Variants in SMYD3 observed in about 807,000 individuals in gnomAD.
The protein encoded by SMYD3 is histone-lysine N-methyltransferase SMYD3.
SMYD3 carries 36 observed loss-of-function variants against 57.7 expected under a neutral mutation model. The ratio of observed to expected loss-of-function variants is 0.62; its 90% CI spans 0.48 to 0.82. The LOEUF (loss-of-function observed/expected upper bound fraction) is 0.82, where lower values mean the gene tolerates loss of function less well. Ranked by LOEUF, SMYD3 falls within the 40% of genes least tolerant of loss-of-function variation. SMYD3 has a pLI of 0.00. For synonymous variants in SMYD3, 211 were observed against 195.0 expected (o/e 1.08, Z -0.68); for missense variants, 515 against 538.8 (o/e 0.96, Z 0.44).
rs1483915869 is a variant in SMYD3 at position 246,449,738 on chromosome 1, T to G, written c.164+57316A>C. Among the ~76,000 whole-genome samples, 3 of 114,566 alleles carry G rather than the reference T, an allele frequency of 2.6e-5. No individual in the cohort carries two copies. The East Asian group carries it at 6.5e-4, about 25-fold the overall frequency. 75.2% of individuals were successfully genotyped at this position (114,566 alleles called of 152,430 possible). On this transcript the variant is annotated intron_variant, in intron 1 of 11. Transcript: ENST00000490107. ...AGAAAATAAACACAAAAGGACACCG[T>G]GCCTGACACAGAGAAGTGTCAATGA...
At chr1:246,108,347 T>C (rs146476892) in intron 5 of SMYD3, among the ~76,000 whole-genome samples, 19 of 152,262 alleles carry the variant, frequency 1.2e-4, no homozygotes, top group African/African-American at 4.6e-4. Context: ...GGGTCACAGG[T>C]TACGCTATGA....
At chr1:246,409,533 A>C (rs1447682649) in intron 1 of SMYD3, among the ~76,000 whole-genome samples, 1 of 152,092 alleles carries the variant, frequency 6.6e-6, no homozygotes, top group Non-Finnish European at 1.5e-5. Context: ...CCATTGGTCT[A>C]TCTCTCTGTT....
rs928982491 is a variant in SMYD3 at position 246,263,913 on chromosome 1, T to C, written c.531+63288A>G. On this transcript the variant is annotated intron_variant, in intron 5 of 11. Coordinates refer to ENST00000490107, the MANE Select transcript of SMYD3 (RefSeq NM_001167740.2). The stretch of plus-strand genomic sequence containing the variant: ...ATTTCTGCTTATTAGGTGTAATTAA[T>C]ATTTTATCCCCAAATTAAGCCAAAA... 3.9e-5 allele frequency among the ~76,000 whole-genome samples: 6 copies of C among 152,226 alleles called. No individual in the cohort carries two copies. In the East Asian group the frequency reaches 7.7e-4, roughly 20 times the overall value.
At chr1:245,803,497 C>G (rs781468223) in intron 10 of SMYD3, among the ~76,000 whole-genome samples, 6 of 152,100 alleles carry the variant, frequency 3.9e-5, no homozygotes, top group Non-Finnish European at 7.4e-5. Context: ...ACACACAAAG[C>G]CCCCCAGTGG....
intron 5 of SMYD3, among the ~76,000 whole-genome samples, chr1:246,054,701 G>C (rs1414622574): frequency 1.6e-4 from 25 of 152,058 alleles, no homozygotes. Flanking sequence ...TCACTAATCA[G>C]CTGGGGCTGG....
intron 1 of SMYD3, 67 bp downstream of exon 1, chr1:246,506,987 A>ACCCCCCCCCCCCCCCC: frequency 2.2e-5 from 14 of 634,710 alleles, no homozygotes; most frequent in East Asian, 1.4e-4. Flanking sequence ...CGGCCGCCCG[A>ACCCCCCCCCCCCCCCC]CGCCCCCCCC....
intron 1 of SMYD3, among the ~76,000 whole-genome samples, chr1:246,375,117 G>A (rs892759984): frequency 3.3e-5 from 5 of 151,840 alleles, no homozygotes; most frequent in African/African-American, 1.2e-4. Flanking sequence ...ATAAAATAAG[G>A]TGTCTTTAAA....
chr1:245,850,567 G>A (rs537717241), intron 10 of SMYD3, among the ~76,000 whole-genome samples: 75 of 152,198 alleles, frequency 4.9e-4, no homozygotes, highest in Non-Finnish European at 7.5e-4. Context: ...GTCAGGGTGT[G>A]TGCCTGTGGT....
intron 10 of SMYD3, among the ~76,000 whole-genome samples, chr1:245,764,791 G>T (rs1295372869): frequency 1.3e-5 from 2 of 151,952 alleles, no homozygotes; most frequent in Non-Finnish European, 2.9e-5. Context: ...ATCCATACTG[G>T]ACCCTTTCAC....
intron 8 of SMYD3, among the ~76,000 whole-genome samples, chr1:245,888,545 C>T (rs2148574306): frequency 6.6e-6 from 1 of 152,284 alleles, no homozygotes; most frequent in Admixed American, 6.5e-5. Context: ...CCGGATTGTC[C>T]AGCGTCACTC....
intron 10 of SMYD3, among the ~76,000 whole-genome samples, chr1:245,822,878 A>C (rs554598632): frequency 1.1e-4 from 17 of 152,314 alleles, no homozygotes; most frequent in Admixed American, 6.5e-4. Flanking sequence ...TCAAATCTCT[A>C]CTAGAACAGG....
chr1:245,822,547 T>C (rs1572438508), intron 10 of SMYD3, among the ~76,000 whole-genome samples: 1 of 140,210 alleles, frequency 7.1e-6, no homozygotes, highest in Non-Finnish European at 1.5e-5. Context: ...TAAAGTATAA[T>C]AATAAAAGAA....
intron 1 of SMYD3, among the ~76,000 whole-genome samples, chr1:246,421,656 TA>T (rs2067144628): frequency 3.3e-5 from 5 of 152,018 alleles, no homozygotes; most frequent in Non-Finnish European, 5.9e-5. Flanking sequence ...TTGAAAATAA[TA>T]CAAAGCAATT....
rs143476169 is a variant in SMYD3 at position 246,247,444 on chromosome 1, ACTCTCTCTCTCTCT to A, written c.531+79743_531+79756del. Reference sequence around the variant, plus strand: ...CTGTGGTTTAAGAAAGAGAAGGATAACTCTCTCTCTCTCTCTCTCTCTATATATATATATATATA... The same window carrying A: ...CTGTGGTTTAAGAAAGAGAAGGATAACTCTCTCTATATATATATATATATA... On this transcript the variant is annotated intron_variant, in intron 5 of 11. Coordinates refer to ENST00000490107, the MANE Select transcript of SMYD3 (RefSeq NM_001167740.2). Among the ~76,000 whole-genome samples, 78 of 142,862 alleles carry A rather than the reference ACTCTCTCTCTCTCT, an allele frequency of 5.5e-4. 4 individuals carry two copies. Among genetic ancestry groups the A allele is most frequent in the African/African-American group, 1.8e-3 (68 of 38,336 alleles). The allele number at this position is 142,862 out of a possible 152,430, so 93.7% of individuals were successfully genotyped here. A position where few individuals can be genotyped will look rare whatever the true frequency, so the allele number is the denominator to read the frequency against.
intron 5 of SMYD3, among the ~76,000 whole-genome samples, chr1:246,240,611 T>C: frequency 6.6e-6 from 1 of 152,202 alleles, no homozygotes; most frequent in Non-Finnish European, 1.5e-5. Context: ...AAAGTAGTTT[T>C]TTCCAATTCT....
At chr1:246,153,624 C>T (rs1486264300) in intron 5 of SMYD3, among the ~76,000 whole-genome samples, 2 of 151,992 alleles carry the variant, frequency 1.3e-5, no homozygotes, top group Non-Finnish European at 2.9e-5. Context: ...TGGCTAATTA[C>T]TTTTTTGTTT....
chr1:246,464,562 T>C (rs1033250143), intron 1 of SMYD3, among the ~76,000 whole-genome samples: 7 of 152,082 alleles, frequency 4.6e-5, no homozygotes, highest in Admixed American at 1.3e-4. Context: ...ATAGCATAAG[T>C]TTCCAAGAAG....
chr1:246,489,998 TTCC>T (rs1431612821), intron 1 of SMYD3, among the ~76,000 whole-genome samples: 1 of 125,698 alleles, frequency 8.0e-6, no homozygotes, highest in Non-Finnish European at 1.6e-5. Flanking sequence ...TGCTAATTTT[TTCC>T]TTTTTTTTTT....
rs76934780 is a variant in SMYD3, at chr1:246,116,418, A to G, written c.532-186481T>C. Among the ~76,000 whole-genome samples the G allele has an allele frequency of 5.6e-4, 85 of 152,308 alleles. No homozygotes were observed. In the East Asian group the frequency reaches 0.011, roughly 20 times the overall value. On this transcript the variant is annotated intron_variant, in intron 5 of 11. Transcript: ENST00000490107. ...TTTATCAAAATATAAAACACACATAATGGATTTGGAACAGAACTGCAGCTG... is the reference window on the plus strand; with the variant it reads ...TTTATCAAAATATAAAACACACATAGTGGATTTGGAACAGAACTGCAGCTG...
Sources: gnomAD v4.1 joint callset for allele counts (sites outside exome capture counted in the v4.1 genomes callset) on GRCh38, gnomAD v4.1.1 for gene constraint, MANE v1.5 for transcripts, NCBI Gene and HGNC (gene_info 2026-07-23, HGNC 2026-07-21) for gene names.